Variants in PNOC observed in about 807,000 individuals in gnomAD.
PNOC encodes nociceptin.
PNOC carries 10 observed loss-of-function variants against 15.6 expected under a neutral mutation model. The observed-to-expected ratio is 0.64, with a 90% CI of 0.40 to 1.09. The LOEUF (loss-of-function observed/expected upper bound fraction) is 1.09, where lower values mean the gene tolerates loss of function less well. Ranked by LOEUF, PNOC falls within the 50% of genes least tolerant of loss-of-function variation. PNOC has a pLI of 0.01. For missense variants in PNOC, 220 were observed against 223.9 expected, an observed-to-expected ratio of 0.98 and a Z score of 0.11; for synonymous variants, 98 against 88.5, an observed-to-expected ratio of 1.11 and a Z score of -0.60.
chr8:28,333,238 C>A (rs1048935255), intron 2 of PNOC, among the ~76,000 whole-genome samples: 1 of 152,156 alleles, frequency 6.6e-6, no homozygotes, highest in Admixed American at 6.6e-5. Flanking sequence ...GGTTCATATG[C>A]CTGTTTCCCA....
chr8:28,328,758 C>T (rs1396835531), intron 1 of PNOC, among the ~76,000 whole-genome samples: 1 of 152,128 alleles, frequency 6.6e-6, no homozygotes, highest in Non-Finnish European at 1.5e-5. Flanking sequence ...ATGTCACATG[C>T]TGGTAAACTG....
intron 1 of PNOC, among the ~76,000 whole-genome samples, chr8:28,327,167 C>T (rs1801238545): frequency 6.6e-6 from 1 of 152,218 alleles, no homozygotes; most frequent in African/African-American, 2.4e-5. Flanking sequence ...ATTTACATTT[C>T]TAGAAAGTTC....
At chr8:28,324,868 AC>A (rs1287312231) in intron 1 of PNOC, among the ~76,000 whole-genome samples, 1 of 152,170 alleles carries the variant, frequency 6.6e-6, no homozygotes, top group Non-Finnish European at 1.5e-5. Context: ...GTCTCAAAAA[AC>A]AAAAAAGAGT....
At chr8:28,322,519 G>A (rs1801167433) in intron 1 of PNOC, among the ~76,000 whole-genome samples, 1 of 152,194 alleles carries the variant, frequency 6.6e-6, no homozygotes, top group South Asian at 2.1e-4. Flanking sequence ...TCAGACATAA[G>A]TCCCAGCTCT....
chr8:28,334,119 G>T (rs1043124369), intron 2 of PNOC, among the ~76,000 whole-genome samples: 5 of 151,990 alleles, frequency 3.3e-5, no homozygotes, highest in Admixed American at 6.6e-5. Flanking sequence ...TGTCTCCAGA[G>T]ATTGCCAAAT....
At chr8:28,330,396 A>ATTTTATTTTATTTTTTTTTTTTTTTTTT (rs377288105) in intron 2 of PNOC, among the ~76,000 whole-genome samples, 1 of 80,416 alleles carries the variant, frequency 1.2e-5, no homozygotes, top group Non-Finnish European at 2.6e-5. Flanking sequence ...ATTTTATTTT[A>ATTTTATTTTATTTTTTTTTTTTTTTTTT]TTTTTTTTTT....
intron 2 of PNOC, among the ~76,000 whole-genome samples, chr8:28,330,398 T>TTTATTTTTTTTTTTTTTTTTTTA (rs1554517536): frequency 9.9e-6 from 1 of 100,690 alleles, no homozygotes; most frequent in African/African-American, 3.4e-5. Flanking sequence ...TTTATTTTAT[T>TTTATTTTTTTTTTTTTTTTTTTA]TTTTTTTTTT....
At chr8:28,339,602 C>G in intron 3 of PNOC, 111 bp downstream of exon 3, 1 of 683,858 alleles carries the variant, frequency 1.5e-6, no homozygotes, top group East Asian at 3.4e-5. Flanking sequence ...CTCCCCACTC[C>G]ACACACACAC....
At chr8:28,330,400 T>TTTTTTTTTTTTTTTTTA (rs869258665) in intron 2 of PNOC, among the ~76,000 whole-genome samples, 1 of 102,226 alleles carries the variant, frequency 9.8e-6, no homozygotes, top group Non-Finnish European at 2.0e-5. Flanking sequence ...TATTTTATTT[T>TTTTTTTTTTTTTTTTTA]TTTTTTTTTT....
intron 2 of PNOC, among the ~76,000 whole-genome samples, chr8:28,329,720 G>A (rs1297452559): frequency 6.6e-6 from 1 of 151,840 alleles, no homozygotes; most frequent in Non-Finnish European, 1.5e-5. Context: ...TTGGCCCTTG[G>A]TATCTACTGG....
At chr8:28,321,987 G>A (rs981413432) in intron 1 of PNOC, among the ~76,000 whole-genome samples, 3 of 152,210 alleles carry the variant, frequency 2.0e-5, no homozygotes, top group Non-Finnish European at 2.9e-5. Flanking sequence ...TATCTGCAAT[G>A]GGTCTAAGAA....
intron 2 of PNOC, 131 bp from the exon 3 acceptor site, chr8:28,338,909 C>A: frequency 9.4e-7 from 1 of 1,062,078 alleles, no homozygotes; most frequent in Non-Finnish European, 1.3e-6. Context: ...TGTAAAACTG[C>A]TCCACGTTAC....
At chr8:28,330,396 ATT>A (rs67554549) in intron 2 of PNOC, among the ~76,000 whole-genome samples, 1 of 80,452 alleles carries the variant, frequency 1.2e-5, no homozygotes, top group Non-Finnish European at 2.6e-5. Flanking sequence ...ATTTTATTTT[ATT>A]TTTTTTTTTT....
At chr8:28,338,242 G>A (rs1452018929) in intron 2 of PNOC, among the ~76,000 whole-genome samples, 2 of 152,258 alleles carry the variant, frequency 1.3e-5, no homozygotes, top group East Asian at 3.9e-4. Flanking sequence ...CCAAGAACGT[G>A]GGAGGTGGGG....
intron 1 of PNOC, among the ~76,000 whole-genome samples, chr8:28,328,406 G>A (rs563821802): frequency 3.3e-5 from 5 of 152,026 alleles, no homozygotes; most frequent in South Asian, 4.2e-4. Context: ...ATATCATCAC[G>A]TTGGAGGTTA....
intron 2 of PNOC, among the ~76,000 whole-genome samples, chr8:28,330,401 T>TTTTATTTTATTTTA (rs1554517541): frequency 0.016 from 673 of 41,570 alleles, 9 homozygotes; most frequent in African/African-American, 0.049. Context: ...ATTTTATTTT[T>TTTTATTTTATTTTA]TTTTTTTTTT....
chr8:28,323,103 G>C (rs1801174626), intron 1 of PNOC, among the ~76,000 whole-genome samples: 1 of 152,094 alleles, frequency 6.6e-6, no homozygotes, highest in Non-Finnish European at 1.5e-5. Context: ...GTCCAGCTTC[G>C]GCTAAAGCTG....
At chr8:28,337,738 A>G (rs796955252) in intron 2 of PNOC, among the ~76,000 whole-genome samples, 3 of 143,260 alleles carry the variant, frequency 2.1e-5, no homozygotes, top group African/African-American at 7.7e-5. Context: ...GCCCGCCACC[A>G]CGCCCAGCTA....
intron 3 of PNOC, among the ~76,000 whole-genome samples, chr8:28,341,429 T>A (rs1801517283): frequency 6.6e-6 from 1 of 152,232 alleles, no homozygotes; most frequent in Non-Finnish European, 1.5e-5. Context: ...AGTAAATCGT[T>A]CAGAAGTAGC....
Sources: gnomAD v4.1 joint callset for allele counts (sites outside exome capture counted in the v4.1 genomes callset) on GRCh38, gnomAD v4.1.1 for gene constraint, MANE v1.5 for transcripts, NCBI Gene and HGNC (gene_info 2026-07-23, HGNC 2026-07-21) for gene names.